Variants in ELMO1 observed in about 807,000 individuals in gnomAD.
ELMO1 encodes engulfment and cell motility protein 1.
In ELMO1, 26 loss-of-function variants were observed where a neutral mutation model predicts 98.9. The observed-to-expected ratio is 0.26, with a 90% CI of 0.19 to 0.36. The LOEUF is 0.36. Among genes scored for constraint, ELMO1 ranks in the 10% least tolerant of loss-of-function variants. ELMO1 has a pLI of 1.00. For missense variants in ELMO1, 627 were observed against 935.2 expected, an observed-to-expected ratio of 0.67 and a Z score of 4.30; for synonymous variants, 346 against 346.0, an observed-to-expected ratio of 1.00 and a Z score of 0.00.
chr7:37,036,544 T>A (rs184015728), intron 15 of ELMO1, among the ~76,000 whole-genome samples: 140 of 152,286 alleles, frequency 9.2e-4, no homozygotes, highest in African/African-American at 3.2e-3. Context: ...AGTCAATTTT[T>A]AAAATTTTTT....
intron 16 of ELMO1, among the ~76,000 whole-genome samples, chr7:36,900,574 T>C (rs569384161): frequency 3.9e-5 from 6 of 152,266 alleles, no homozygotes; most frequent in African/African-American, 1.4e-4. Flanking sequence ...AGAGGTCATT[T>C]TGGGCTTGCT....
chr7:37,096,941 A>G lies in ELMO1; in HGVS notation c.1192-214T>C, dbSNP rs530142585. ...TTGACAACCCTCTTCAACCCTGTAA[A>G]AGAGGATATTTTGCTTGTTCGTTCC... is the stretch of plus-strand genomic sequence containing the variant. On this transcript the variant is annotated intron_variant, in intron 14 of 21. Transcript: ENST00000310758. Among the ~76,000 whole-genome samples, 79 of 152,262 alleles carry G rather than the reference A, an allele frequency of 5.2e-4. 1 individual carries two copies. The South Asian group carries it at 0.016, about 30-fold the overall frequency.
At chr7:37,381,917 T>A (rs908842551) in intron 1 of ELMO1, among the ~76,000 whole-genome samples, 1 of 152,134 alleles carries the variant, frequency 6.6e-6, no homozygotes, top group Non-Finnish European at 1.5e-5. Context: ...TTTTAAATTA[T>A]ATACTTTCAA....
intron 13 of ELMO1, among the ~76,000 whole-genome samples, chr7:37,171,964 T>C (rs752040290): frequency 6.6e-6 from 1 of 152,114 alleles, no homozygotes; most frequent in Non-Finnish European, 1.5e-5. Context: ...CTATTATCTG[T>C]TCAACATACA....
chr7:37,375,538 A>C, intron 1 of ELMO1: 1 of 1,017,040 alleles, frequency 9.8e-7, no homozygotes, highest in Admixed American at 1.9e-5. Flanking sequence ...ATGCCTAAGA[A>C]GAACCAGATT....
At chr7:36,991,422 G>C (rs1031633693) in intron 16 of ELMO1, among the ~76,000 whole-genome samples, 1 of 152,228 alleles carries the variant, frequency 6.6e-6, no homozygotes, top group Non-Finnish European at 1.5e-5. Flanking sequence ...CTGGCTCAGT[G>C]AAACTACTTT....
chr7:37,140,211 TAAA>T (rs745855444), intron 13 of ELMO1, among the ~76,000 whole-genome samples: 3 of 128,780 alleles, frequency 2.3e-5, no homozygotes, highest in Admixed American at 1.6e-4. Flanking sequence ...CCACCTCTAC[TAAA>T]AAAAAAAAAA....
intron 16 of ELMO1, chr7:37,002,126 C>G (rs1355156764): frequency 6.6e-6 from 1 of 152,094 alleles, no homozygotes; most frequent in Non-Finnish European, 1.5e-5. Flanking sequence ...ACTGGAAAAA[C>G]TGCGCTCCAT....
At chr7:37,326,245 T>C (rs1291906763) in intron 2 of ELMO1, among the ~76,000 whole-genome samples, 1 of 151,998 alleles carries the variant, frequency 6.6e-6, no homozygotes, top group African/African-American at 2.4e-5. Context: ...AAACCATGGA[T>C]CACATTAATT....
intron 16 of ELMO1, among the ~76,000 whole-genome samples, chr7:36,968,001 T>C (rs894491142): frequency 6.6e-6 from 1 of 152,198 alleles, no homozygotes; most frequent in African/African-American, 2.4e-5. Context: ...TATAGAAATA[T>C]TACCTTCCAA....
intron 6 of ELMO1, among the ~76,000 whole-genome samples, chr7:37,245,480 T>TG (rs1324799946): frequency 6.6e-6 from 1 of 152,214 alleles, no homozygotes; most frequent in African/African-American, 2.4e-5. Context: ...ATTTAGTCTC[T>TG]GGTAAAATTT....
intron 15 of ELMO1, among the ~76,000 whole-genome samples, chr7:37,022,047 T>C (rs112479100): frequency 3.4e-4 from 52 of 152,300 alleles, no homozygotes; most frequent in African/African-American, 1.3e-3. Flanking sequence ...GCCAGTTGTA[T>C]ATGCATCTGG....
At chr7:37,242,739 G>A (rs1794822074) in intron 7 of ELMO1, among the ~76,000 whole-genome samples, 1 of 152,194 alleles carries the variant, frequency 6.6e-6, no homozygotes, top group Admixed American at 6.5e-5. Flanking sequence ...GTTTACATGT[G>A]GATGTGGAGT....
chr7:37,123,568 C>A (rs184515495), intron 14 of ELMO1, among the ~76,000 whole-genome samples: 1 of 152,016 alleles, frequency 6.6e-6, no homozygotes, highest in Non-Finnish European at 1.5e-5. Flanking sequence ...ACACATACAC[C>A]CTCCCAAGAC....
At chr7:37,343,423 C>T (rs142763756) in intron 1 of ELMO1, among the ~76,000 whole-genome samples, 4 of 151,142 alleles carry the variant, frequency 2.6e-5, no homozygotes, top group Non-Finnish European at 5.9e-5. Context: ...TTGAATGAAT[C>T]GTGCTTCTTA....
chr7:36,907,513 G>T (rs1181875917), intron 16 of ELMO1, among the ~76,000 whole-genome samples: 1 of 152,156 alleles, frequency 6.6e-6, no homozygotes, highest in Non-Finnish European at 1.5e-5. Flanking sequence ...TGCAAAACCT[G>T]GACAGTTCCT....
At chr7:37,007,532 C>G (rs973834446) in intron 16 of ELMO1, among the ~76,000 whole-genome samples, 1 of 152,186 alleles carries the variant, frequency 6.6e-6, no homozygotes, top group East Asian at 1.9e-4. Flanking sequence ...CTTTCATTCC[C>G]TAGGCCAGCT....
intron 1 of ELMO1, among the ~76,000 whole-genome samples, chr7:37,408,066 A>G (rs1019167148): frequency 2.0e-5 from 3 of 152,232 alleles, no homozygotes; most frequent in Non-Finnish European, 2.9e-5. Context: ...AGAACATTGA[A>G]TACCACAATA....
At position 37,086,743 on chromosome 7, in the gene ELMO1, C is replaced by CAAAA. The variant is rs755237121; in HGVS notation, c.1300+9872_1300+9875dup. Among the ~76,000 whole-genome samples, 199 of 48,734 alleles carry CAAAA rather than the reference C, an allele frequency of 4.1e-3. 3 individuals are homozygous for CAAAA. The highest frequency in any genetic ancestry group is 0.013 in the African/African-American group (189 of 14,020). 32.0% of individuals were successfully genotyped at this position (48,734 alleles called of 152,430 possible). On this transcript the variant is annotated intron_variant, in intron 15 of 21. Coordinates refer to ENST00000310758, the MANE Select transcript of ELMO1 (RefSeq NM_014800.11). ...GGGCAACAGAGTGAGATCCTGTCTCCAAAAAAAAAAAAAAAAAAAAAAGAA... is the reference window on the plus strand; with the variant it reads ...GGGCAACAGAGTGAGATCCTGTCTCCAAAAAAAAAAAAAAAAAAAAAAAAAAGAA...
Sources: allele counts gnomAD v4.1 joint callset (sites outside exome capture counted in the v4.1 genomes callset), GRCh38; gene constraint gnomAD v4.1.1; transcripts MANE v1.5; gene names NCBI Gene and HGNC (gene_info 2026-07-23, HGNC 2026-07-21).